The following EIF3I variants were observed in gnomAD, a reference collection of about 807,000 sequenced individuals.
The protein encoded by EIF3I is eukaryotic translation initiation factor 3 subunit I.
A neutral mutation model predicts 43.3 loss-of-function variants in EIF3I; 20 were observed. The ratio of observed to expected loss-of-function variants is 0.46; its 90% CI spans 0.32 to 0.67. The LOEUF (loss-of-function observed/expected upper bound fraction) is 0.67. Among genes scored for constraint, EIF3I ranks in the 30% least tolerant of loss-of-function variants. The probability of loss-of-function intolerance (pLI) is 0.03; values close to 1 mark genes in which losing one functional copy is unlikely to be tolerated. For synonymous variants in EIF3I, 167 were observed against 151.7 expected (o/e 1.10, Z -0.74); for missense variants, 279 against 421.4 (o/e 0.66, Z 2.96).
At chr1:32,231,316 CCT>C in exon 12 of EIF3I, 1 of 876,194 alleles carries the variant, frequency 1.1e-6, no homozygotes, top group Non-Finnish European at 1.8e-6. Context: ...CATGGAGAAA[CCT>C]CGTCTCTACT....
chr1:32,225,199 C>T (rs1323690773), intron 4 of EIF3I, among the ~76,000 whole-genome samples: 2 of 151,834 alleles, frequency 1.3e-5, no homozygotes, highest in African/African-American at 4.8e-5. Context: ...TGGTCTCGAA[C>T]TCCTCAGCTC....
At chr1:32,232,604 G>C (rs1639254261), downstream of EIF3I, among the ~76,000 whole-genome samples, 1 of 152,204 alleles carries the variant, frequency 6.6e-6, no homozygotes, top group Admixed American at 6.5e-5. Flanking sequence ...GCTTTTGAAA[G>C]AAAATTGATA....
chr1:32,226,333 A>G lies in EIF3I; in HGVS notation c.400+13A>G. On this transcript the variant is annotated intron_variant, in intron 5 of 11. Transcript: ENST00000676679. Reference sequence around the variant, plus strand: ...CCGAGCCAGATTGGTGAGGGCTGGGAATAGGGCTGGGGTTGAGGTAAAGGG... The same window carrying G: ...CCGAGCCAGATTGGTGAGGGCTGGGGATAGGGCTGGGGTTGAGGTAAAGGG... The G allele has an allele frequency of 6.2e-7, 1 of 1,614,080 alleles. No homozygotes were observed. The highest frequency in any genetic ancestry group is 8.5e-7 in the Non-Finnish European group (1 of 1,180,012).
At chr1:32,222,746 A>G (rs1036232523) in intron 2 of EIF3I, 116 bp downstream of exon 2, 48 of 1,042,322 alleles carry the variant, frequency 4.6e-5, no homozygotes, top group Non-Finnish European at 6.6e-5. Flanking sequence ...TGTGAGAAGT[A>G]GGGAGAGGCC....
Position 32,228,616 on chromosome 1 carries a change from C to T in EIF3I, c.639+7C>T. 1 of 1,613,750 alleles carries T rather than the reference C, an allele frequency of 6.2e-7. No individual in the cohort carries two copies. Among genetic ancestry groups the T allele is most frequent in the Admixed American group, 1.7e-5 (1 of 60,016 alleles). On this transcript the variant is annotated splice_region_variant and intron_variant, in intron 7 of 11. Transcript: ENST00000676679. Reference sequence around the variant, plus strand: ...CAAGGACAACACAGCCAAGGTGAGCCTGGGCAGCGGTCTGGCAGGGCTGCT... The same window carrying T: ...CAAGGACAACACAGCCAAGGTGAGCTTGGGCAGCGGTCTGGCAGGGCTGCT...
intron 2 of EIF3I, among the ~76,000 whole-genome samples, chr1:32,223,778 C>T (rs1255452054): frequency 6.6e-6 from 1 of 152,126 alleles, no homozygotes; most frequent in Non-Finnish European, 1.5e-5. Context: ...TCTTTGGAGC[C>T]GTTGGGAGTC....
chr1:32,235,599 A>G (rs558835939), downstream of EIF3I, among the ~76,000 whole-genome samples: 7 of 152,274 alleles, frequency 4.6e-5, no homozygotes, highest in South Asian at 4.1e-4. Flanking sequence ...GATTACAGGC[A>G]TGAGCCACCG....
At chr1:32,222,614 C>T in exon 2 of EIF3I, 1 of 1,614,170 alleles carries the variant, frequency 6.2e-7, no homozygotes, top group South Asian at 1.1e-5. Context: ...CTCCTCTTTA[C>T]TGTGGCCAAG....
At chr1:32,235,697 G>C (rs1308380960), downstream of EIF3I, among the ~76,000 whole-genome samples, 1 of 152,138 alleles carries the variant, frequency 6.6e-6, no homozygotes, top group Non-Finnish European at 1.5e-5. Flanking sequence ...ACCTGGGGAA[G>C]GGTCACATAG....
intron 6 of EIF3I, 34 bp from the exon 7 acceptor site, chr1:32,228,465 G>A (rs773993244): frequency 6.4e-7 from 1 of 1,571,528 alleles, no homozygotes; most frequent in Non-Finnish European, 8.8e-7. Context: ...GTAGGGATTG[G>A]GCCCATTCAG....
At chr1:32,231,956 G>A (rs1053275269), downstream of EIF3I, 1 of 153,036 alleles carries the variant, frequency 6.5e-6, no homozygotes, top group African/African-American at 2.4e-5. Context: ...AGCAGGTCCA[G>A]CGCAGAAACA....
chr1:32,224,793 G>A (rs972452605), intron 4 of EIF3I, among the ~76,000 whole-genome samples: 1 of 150,100 alleles, frequency 6.7e-6, no homozygotes, highest in Non-Finnish European at 1.5e-5. Flanking sequence ...GTCTCAGCCA[G>A]CCCCAGTAGC....
intron 2 of EIF3I, 136 bp downstream of exon 2, chr1:32,222,766 G>T: frequency 1.2e-6 from 1 of 851,798 alleles, no homozygotes; most frequent in Non-Finnish European, 1.9e-6. Context: ...CATGCCGGGG[G>T]TAGGTTGGCG....
exon 7 of EIF3I, chr1:32,228,517 A>C: frequency 6.2e-7 from 1 of 1,614,018 alleles, no homozygotes; most frequent in Non-Finnish European, 8.5e-7. Flanking sequence ...GGTGTTGGTG[A>C]ATGTTAAGGA....
chr1:32,226,115 A>T lies in EIF3I; in HGVS notation c.251-56A>T, dbSNP rs149707674. The T allele has an allele frequency of 4.2e-4, 667 of 1,590,280 alleles. 1 individual carries two copies. In the African/African-American group the frequency reaches 4.2e-3, roughly 10 times the overall value. On this transcript the variant is annotated intron_variant, in intron 4 of 11. Coordinates refer to ENST00000676679, the Ensembl canonical transcript of EIF3I. ...GAGATGTGATGGTAGCATTCTCTAG[A>T]ATGTCCTCCCTGCAATTGCAATGGA... is the stretch of plus-strand genomic sequence containing the variant.
At chr1:32,231,286 T>A in exon 12 of EIF3I, 5 of 1,215,850 alleles carry the variant, frequency 4.1e-6, no homozygotes, top group Non-Finnish European at 5.9e-6. Context: ...AGGTCAGGAG[T>A]TTAAGACCAG....
intron 4 of EIF3I, among the ~76,000 whole-genome samples, chr1:32,225,569 C>G (rs1440809161): frequency 1.3e-5 from 2 of 150,714 alleles, no homozygotes; most frequent in Admixed American, 1.3e-4. Flanking sequence ...ATGGTGAAAC[C>G]CCGTCTATTA....
At chr1:32,227,711 G>A (rs1639168950) in intron 6 of EIF3I, among the ~76,000 whole-genome samples, 1 of 152,098 alleles carries the variant, frequency 6.6e-6, no homozygotes, top group Non-Finnish European at 1.5e-5. Flanking sequence ...GGAGATTGAG[G>A]CTGCAGTGAG....
At chr1:32,226,235 C>T in exon 5 of EIF3I, 1 of 1,614,048 alleles carries the variant, frequency 6.2e-7, no homozygotes, top group Non-Finnish European at 8.5e-7. Context: ...ACTTTGGGGG[C>T]AACATCATCA....
Sources: gnomAD v4.1 joint callset for allele counts (sites outside exome capture counted in the v4.1 genomes callset) on GRCh38, gnomAD v4.1.1 for gene constraint, MANE v1.5 for transcripts, NCBI Gene and HGNC (gene_info 2026-07-23, HGNC 2026-07-21) for gene names.